TMEM232: variants seen among roughly 807,000 people sequenced by gnomAD.
TMEM232 encodes the protein transmembrane protein 232.
Under a neutral mutation model 78.8 loss-of-function variants are expected in TMEM232, and 80 were observed. The ratio of observed to expected loss-of-function variants is 1.01; its 90% confidence interval spans 0.85 to 1.22. The LOEUF (loss-of-function observed/expected upper bound fraction) is 1.22, where lower values mean the gene tolerates loss of function less well. TMEM232 is among the 50% of genes most tolerant of loss of function. The pLI is 0.00. For missense variants in TMEM232, 881 were observed against 742.2 expected (o/e 1.19, Z -2.17); for synonymous variants, 297 against 254.3 (o/e 1.17, Z -1.60).
intron 12 of TMEM232, among the ~76,000 whole-genome samples, chr5:110,455,618 T>C (rs1020851406): frequency 6.6e-6 from 1 of 152,092 alleles, no homozygotes; most frequent in African/African-American, 2.4e-5. Flanking sequence ...GACCTCGTTA[T>C]CCACCCGCCT....
intron 11 of TMEM232, among the ~76,000 whole-genome samples, chr5:110,554,957 T>G (rs1484657648): frequency 6.6e-6 from 1 of 152,142 alleles, no homozygotes; most frequent in Admixed American, 6.5e-5. Flanking sequence ...GAGGTTTTGT[T>G]GATCATTTGT....
At chr5:110,419,183 T>C (rs1433194279), downstream of TMEM232, among the ~76,000 whole-genome samples, 1 of 151,846 alleles carries the variant, frequency 6.6e-6, no homozygotes, top group Non-Finnish European at 1.5e-5. Context: ...TTTTTTCCTT[T>C]GCACAAGGGA....
intron 1 of TMEM232, among the ~76,000 whole-genome samples, chr5:110,686,179 C>G (rs1049387661): frequency 2.6e-5 from 4 of 151,978 alleles, no homozygotes; most frequent in Non-Finnish European, 5.9e-5. Flanking sequence ...ACTTGTGAAT[C>G]TGGGCTTAAT....
chr5:110,718,282 A>AGATAGG (rs1797225821), intron 1 of TMEM232, among the ~76,000 whole-genome samples: 1 of 152,172 alleles, frequency 6.6e-6, no homozygotes, highest in South Asian at 2.1e-4. Flanking sequence ...CAAGGCTTTC[A>AGATAGG]GATAGGTGAT....
intron 11 of TMEM232, among the ~76,000 whole-genome samples, chr5:110,535,103 A>G (rs1004558108): frequency 1.3e-5 from 2 of 152,102 alleles, no homozygotes; most frequent in Admixed American, 6.6e-5. Context: ...TCTTATTAAT[A>G]TAAGAAGATA....
intron 12 of TMEM232, among the ~76,000 whole-genome samples, chr5:110,453,990 ACT>A (rs376949440): frequency 2.6e-5 from 4 of 152,222 alleles, no homozygotes; most frequent in Non-Finnish European, 5.9e-5. Flanking sequence ...GAACCTAAAA[ACT>A]CTTTTTGATA....
chr5:110,453,103 T>C (rs1760499646), intron 12 of TMEM232, among the ~76,000 whole-genome samples: 1 of 152,178 alleles, frequency 6.6e-6, no homozygotes, highest in Non-Finnish European at 1.5e-5. Flanking sequence ...TGCTATTCCT[T>C]GTTAACAGTT....
At chr5:110,430,497 AAG>A (rs1261874820) in intron 12 of TMEM232, among the ~76,000 whole-genome samples, 1 of 151,702 alleles carries the variant, frequency 6.6e-6, no homozygotes, top group African/African-American at 2.4e-5. Flanking sequence ...GCAGTTTCAA[AAG>A]AGCTACTATT....
chr5:110,597,760 G>T (rs1342925720), intron 10 of TMEM232, among the ~76,000 whole-genome samples: 1 of 151,894 alleles, frequency 6.6e-6, no homozygotes, highest in Non-Finnish European at 1.5e-5. Context: ...ACAAGCAATG[G>T]GGAAAGGATT....
intron 2 of TMEM232, among the ~76,000 whole-genome samples, chr5:110,652,538 CTTGTAATACATCA>C (rs1182775103): frequency 6.6e-6 from 1 of 152,086 alleles, no homozygotes; most frequent in Admixed American, 6.5e-5. Flanking sequence ...TGGATTATGG[CTTGTAATACATCA>C]TTGAAAACAT....
At chr5:110,639,946 C>T (rs1786430473) in intron 4 of TMEM232, among the ~76,000 whole-genome samples, 1 of 152,200 alleles carries the variant, frequency 6.6e-6, no homozygotes, top group Admixed American at 6.5e-5. Context: ...CGGCCCAATT[C>T]CTAACAGACC....
intron 12 of TMEM232, among the ~76,000 whole-genome samples, chr5:110,429,723 T>G (rs2112669208): frequency 6.6e-6 from 1 of 151,934 alleles, no homozygotes; most frequent in South Asian, 2.1e-4. Flanking sequence ...CTTCCCCCCT[T>G]ATCCCACTTT....
intron 12 of TMEM232, among the ~76,000 whole-genome samples, chr5:110,476,149 C>T (rs1580839332): frequency 6.6e-6 from 1 of 151,780 alleles, no homozygotes; most frequent in Admixed American, 6.6e-5. Context: ...TTATGGGCTG[C>T]TTTTTGTTCC....
chr5:110,725,047 A>G (rs1215353974), intron 1 of TMEM232, among the ~76,000 whole-genome samples: 1 of 152,216 alleles, frequency 6.6e-6, no homozygotes, highest in Non-Finnish European at 1.5e-5. Context: ...TCAGCAGGAA[A>G]CATTTTAAAG....
chr5:110,662,867 T>C (rs1233302677), intron 2 of TMEM232, among the ~76,000 whole-genome samples: 1 of 152,098 alleles, frequency 6.6e-6, no homozygotes, highest in Non-Finnish European at 1.5e-5. Flanking sequence ...ACAATAAGGT[T>C]TTTAGAAAAT....
intron 2 of TMEM232, among the ~76,000 whole-genome samples, chr5:110,404,471 C>A (rs966042869): frequency 2.0e-5 from 3 of 152,036 alleles, no homozygotes; most frequent in African/African-American, 7.2e-5. Flanking sequence ...AAACTCTACT[C>A]TGAAAAAAGT....
chr5:110,537,771 T>A (rs1484875220), intron 11 of TMEM232, among the ~76,000 whole-genome samples: 1 of 152,240 alleles, frequency 6.6e-6, no homozygotes, highest in Non-Finnish European at 1.5e-5. Context: ...CTATAACTGA[T>A]ATACAACAAT....
intron 2 of TMEM232, among the ~76,000 whole-genome samples, chr5:110,652,472 T>C (rs1002495377): frequency 2.6e-5 from 4 of 152,230 alleles, no homozygotes; most frequent in African/African-American, 9.6e-5. Flanking sequence ...TAATTCAATT[T>C]CTATGTTCAA....
At chr5:110,423,809 G>GTGTGTT (rs1024984548) in intron 13 of TMEM232, among the ~76,000 whole-genome samples, 2 of 148,672 alleles carry the variant, frequency 1.3e-5, no homozygotes, top group Admixed American at 1.3e-4. Flanking sequence ...GTGTGTGTGT[G>GTGTGTT]TATGTGTATG....
Sources: allele counts gnomAD v4.1 joint callset (sites outside exome capture counted in the v4.1 genomes callset), GRCh38; gene constraint gnomAD v4.1.1; transcripts MANE v1.5; gene names NCBI Gene and HGNC (gene_info 2026-07-23, HGNC 2026-07-21).